The following CATSPERE variants were observed in gnomAD, a reference collection of about 807,000 sequenced individuals.
The protein encoded by CATSPERE is catsper channel auxiliary subunit epsilon.
In CATSPERE, 93 loss-of-function variants were observed where a neutral mutation model predicts 114.1. That is an observed-to-expected ratio of 0.81 (90% confidence interval 0.69 to 0.97). The LOEUF is 0.97. Ranked by LOEUF, CATSPERE falls within the 50% of genes least tolerant of loss-of-function variation. The pLI is 0.00. For missense variants in CATSPERE, 1,058 were observed against 1,131.6 expected (o/e 0.93, Z 0.93); for synonymous variants, 341 against 384.1 (o/e 0.89, Z 1.31).
At chr1:244,464,878 G>A (rs1339955129) in intron 2 of CATSPERE, among the ~76,000 whole-genome samples, 1 of 150,616 alleles carries the variant, frequency 6.6e-6, no homozygotes, top group Non-Finnish European at 1.5e-5. Context: ...TATCTACATT[G>A]CGTTGTAAAA....
upstream of CATSPERE, among the ~76,000 whole-genome samples, chr1:244,459,009 A>G (rs1400733773): frequency 6.6e-6 from 1 of 151,900 alleles, no homozygotes; most frequent in Non-Finnish European, 1.5e-5. Flanking sequence ...AGGAACTCCA[A>G]GTTATCTTGG....
At chr1:244,622,232 G>C (rs74152142) in intron 20 of CATSPERE, among the ~76,000 whole-genome samples, 4 of 152,250 alleles carry the variant, frequency 2.6e-5, no homozygotes, top group Admixed American at 1.3e-4. Flanking sequence ...ATAGATGACA[G>C]CTAGGTAGAA....
intron 6 of CATSPERE, among the ~76,000 whole-genome samples, chr1:244,496,763 A>G (rs1353637930): frequency 6.6e-6 from 1 of 152,220 alleles, no homozygotes; most frequent in Non-Finnish European, 1.5e-5. Context: ...AAACAAAAAC[A>G]GTGTTCAGAA....
intron 9 of CATSPERE, among the ~76,000 whole-genome samples, chr1:244,555,247 T>C (rs1661396647): frequency 6.6e-6 from 1 of 151,948 alleles, no homozygotes; most frequent in Non-Finnish European, 1.5e-5. Context: ...CAGCTGGGTG[T>C]GGTGGCACAC....
intron 4 of CATSPERE, among the ~76,000 whole-genome samples, chr1:244,478,757 G>A (rs1669762000): frequency 6.6e-6 from 1 of 152,216 alleles, no homozygotes; most frequent in Non-Finnish European, 1.5e-5. Context: ...ATTCATGCCG[G>A]GCGCGGTGGC....
At chr1:244,535,645 C>T (rs61844037) in intron 8 of CATSPERE, among the ~76,000 whole-genome samples, 7,385 of 152,158 alleles carry the variant, frequency 0.049, 244 homozygotes, top group East Asian at 0.11. Flanking sequence ...TGGGGACTCA[C>T]CTTTCAGGGC....
Position 244,606,848 on chromosome 1 carries a change from C to T in CATSPERE, c.2403+1054C>T, listed in dbSNP as rs191162424. ...AACTCTTGACCTCAATTGATCCACC[C>T]GCCTCGGCCTCGCAAAGTACTGGGG... On this transcript the variant is annotated intron_variant, in intron 18 of 21. Coordinates refer to ENST00000366534, the MANE Select transcript of CATSPERE (RefSeq NM_001130957.2). 2.5e-3 allele frequency among the ~76,000 whole-genome samples: 383 copies of T among 152,216 alleles called. 5 individuals carry two copies. Among genetic ancestry groups the T allele is most frequent in the East Asian group, 0.014 (72 of 5,176 alleles).
At chr1:244,523,661 A>G (rs1252802839) in intron 8 of CATSPERE, among the ~76,000 whole-genome samples, 2 of 137,824 alleles carry the variant, frequency 1.5e-5, no homozygotes, top group African/African-American at 6.2e-5. Context: ...AAATCAATGT[A>G]CAAAAATCAC....
upstream of CATSPERE, among the ~76,000 whole-genome samples, chr1:244,452,645 C>A (rs922199379): frequency 3.3e-5 from 5 of 152,094 alleles, no homozygotes; most frequent in Non-Finnish European, 7.4e-5. Flanking sequence ...ATGCAGATAC[C>A]GTCATGCACT....
chr1:244,505,899 A>G (rs369911259), intron 7 of CATSPERE, among the ~76,000 whole-genome samples: 4 of 152,092 alleles, frequency 2.6e-5, no homozygotes, highest in African/African-American at 9.7e-5. Context: ...CCAGCTACTC[A>G]GGAGGCTGAA....
intron 8 of CATSPERE, among the ~76,000 whole-genome samples, chr1:244,522,325 A>G (rs1677710058): frequency 6.6e-6 from 1 of 152,250 alleles, no homozygotes. Flanking sequence ...TCTGGGATGC[A>G]TTCAAAGCAG....
At position 244,581,002 on chromosome 1, in the gene CATSPERE, A is replaced by AAATAAT. The variant is rs375831371; in HGVS notation, c.1951-772_1951-767dup. 1.5e-3 allele frequency among the ~76,000 whole-genome samples: 222 copies of AAATAAT among 151,046 alleles called. 2 individuals are homozygous for AAATAAT. The highest frequency in any genetic ancestry group is 5.0e-3 in the African/African-American group (205 of 41,046). On this transcript the variant is annotated intron_variant, in intron 11 of 21. Coordinates refer to ENST00000366534, the MANE Select transcript of CATSPERE (RefSeq NM_001130957.2). Reference sequence around the variant, plus strand: ...GGCGACAAGAGTGAAACTCCATCTCAAATAATAATAATAATAATAATAATA... The same window carrying AAATAAT: ...GGCGACAAGAGTGAAACTCCATCTCAAATAATAATAATAATAATAATAATAATAATA...
Position 244,552,364 on chromosome 1 carries a change from A to G in CATSPERE, c.579A>G (p.Leu193=), listed in dbSNP as rs773943953. 2 of 1,613,682 alleles carry G rather than the reference A, an allele frequency of 1.2e-6. No homozygotes were observed. The highest frequency in any genetic ancestry group is 1.7e-6 in the Non-Finnish European group (2 of 1,179,848). ...TACCAATGACAAAAGATGATGCACT[A>G]AAGGAGATTAGAGGAAACCAAGTTA... ...IVVPMTKDDA[L]KEIRGNQVTF... Residue 193 remains leucine, a synonymous_variant, in exon 9 of 22, where the codon CTA becomes CTG. Coordinates refer to ENST00000366534, the MANE Select transcript of CATSPERE (RefSeq NM_001130957.2).
chr1:244,516,083 C>T (rs1251835213), intron 7 of CATSPERE, among the ~76,000 whole-genome samples: 2 of 151,358 alleles, frequency 1.3e-5, no homozygotes, highest in East Asian at 1.9e-4. Context: ...CACAGCTATT[C>T]GGGAGGCTGA....
intron 8 of CATSPERE, among the ~76,000 whole-genome samples, chr1:244,527,868 A>G (rs1225775185): frequency 3.9e-5 from 6 of 152,106 alleles, no homozygotes; most frequent in African/African-American, 1.4e-4. Flanking sequence ...CTCCCATCTC[A>G]GCCTCCCAAG....
At position 244,490,490 on chromosome 1, in the gene CATSPERE, T is replaced by C. The variant is rs769352985; in HGVS notation, c.351+19T>C. 7.1e-7 allele frequency: 1 copy of C among 1,404,748 alleles called. No homozygotes were observed. Among genetic ancestry groups the C allele is most frequent in the African/African-American group, 1.4e-5 (1 of 70,452 alleles). The allele number at this position is 1,404,748 out of a possible 1,614,324, so 87.0% of individuals were successfully genotyped here. On this transcript the variant is annotated intron_variant, in intron 6 of 21. Coordinates refer to ENST00000366534, the MANE Select transcript of CATSPERE (RefSeq NM_001130957.2). ...TACCCAGGTAAAATATTTTTTAAAT[T>C]TTGTATAGCCTTCATATATCACTAG...
rs563064971 is a variant in CATSPERE at position 244,574,757 on chromosome 1, G to A, written c.1950+1985G>A. ...GGGCGGACTGATGGGTCAGCTCTTG[G>A]AAGTGTCTGACTTCACTGCATCCTG... is the stretch of plus-strand genomic sequence containing the variant. On this transcript the variant is annotated intron_variant, in intron 11 of 21. Coordinates refer to ENST00000366534, the MANE Select transcript of CATSPERE (RefSeq NM_001130957.2). Among the ~76,000 whole-genome samples the A allele has an allele frequency of 5.3e-5, 8 of 152,272 alleles. 1 individual carries two copies. The South Asian group carries it at 1.7e-3, about 32-fold the overall frequency.
At position 244,617,548 on chromosome 1, in the gene CATSPERE, C is replaced by G. The variant is rs947314779; in HGVS notation, c.2510C>G (p.Ser837Cys). The change falls in exon 20 of 22, where the codon TCT becomes TGT. Residue 837 changes from serine (S) to cysteine (C), a missense_variant. Physicochemically the swap from Ser to Cys is moderately radical, Grantham distance 112. Around this residue, in one of 2 missense-constraint regions of CATSPERE, gnomAD observed 787 missense variants for 905.6 expected, o/e 0.87. Coordinates refer to ENST00000366534, the MANE Select transcript of CATSPERE (RefSeq NM_001130957.2). Reference sequence around the variant, plus strand: ...GTTCAGAACTATAAACACTGTTTTTCTTATGCTATTGGAAAACCAGGAGAC... The same window carrying G: ...GTTCAGAACTATAAACACTGTTTTTGTTATGCTATTGGAAAACCAGGAGAC... ...WGPENYKHCF[S>C]YAIGKPGDLN... 15 of 1,517,088 alleles carry G rather than the reference C, an allele frequency of 9.9e-6. No homozygotes were observed. The highest frequency in any genetic ancestry group is 1.3e-5 in the Non-Finnish European group (15 of 1,136,080). The allele number at this position is 1,517,088 out of a possible 1,614,324, so 94.0% of individuals were successfully genotyped here.
At chr1:244,479,686 A>G in intron 4 of CATSPERE, 31 bp from the exon 5 acceptor site, 3 of 1,391,522 alleles carry the variant, frequency 2.2e-6, no homozygotes, top group Non-Finnish European at 3.0e-6. Flanking sequence ...TAATGTTAAT[A>G]TATCACAGTT....
Sources: gnomAD v4.1 joint callset for allele counts (sites outside exome capture counted in the v4.1 genomes callset) on GRCh38, gnomAD v4.1.1 for gene constraint, gnomAD v4.1.1 regional missense constraint, MANE v1.5 for transcripts, NCBI Gene and HGNC (gene_info 2026-07-23, HGNC 2026-07-21) for gene names.